WDPCP: variants seen among roughly 807,000 people sequenced by gnomAD.
WDPCP encodes the protein WD repeat-containing and planar cell polarity effector protein fritz homolog.
A neutral mutation model predicts 93.1 loss-of-function variants in WDPCP; 71 were observed. The ratio of observed to expected loss-of-function variants is 0.76; its 90% CI spans 0.63 to 0.93. The LOEUF (loss-of-function observed/expected upper bound fraction) is 0.93, where lower values mean the gene tolerates loss of function less well. Among genes scored for constraint, WDPCP ranks in the 40% least tolerant of loss-of-function variants. The pLI, the probability that WDPCP is intolerant of heterozygous loss-of-function variation, is 0.00. For missense variants in WDPCP, 844 were observed against 887.4 expected (o/e 0.95, Z 0.62); for synonymous variants, 315 against 315.0 (o/e 1.00, Z 0.00).
chr2:63,735,223 T>C (rs1363399200), intron 2 of WDPCP, among the ~76,000 whole-genome samples: 1 of 152,154 alleles, frequency 6.6e-6, no homozygotes, highest in African/African-American at 2.4e-5. Context: ...GATAAATTGT[T>C]ACAGGAGTTC....
chr2:63,181,447 G>T (rs1674232950), intron 14 of WDPCP, among the ~76,000 whole-genome samples: 1 of 152,046 alleles, frequency 6.6e-6, no homozygotes, highest in Non-Finnish European at 1.5e-5. Flanking sequence ...TATTGTAAAG[G>T]ATGTCCTTTC....
intron 2 of WDPCP, among the ~76,000 whole-genome samples, chr2:63,781,367 A>T (rs1488503053): frequency 6.6e-6 from 1 of 152,168 alleles, no homozygotes; most frequent in East Asian, 1.9e-4. Flanking sequence ...GTTGAATGGG[A>T]CACATATTTG....
At chr2:63,159,988 A>G (rs912150967) in intron 15 of WDPCP, among the ~76,000 whole-genome samples, 10 of 152,160 alleles carry the variant, frequency 6.6e-5, no homozygotes, top group Admixed American at 3.9e-4. Flanking sequence ...ATGTACCTCC[A>G]TGGTTGCACT....
chr2:63,574,369 T>A (rs1707765435), intron 1 of WDPCP, among the ~76,000 whole-genome samples: 1 of 152,166 alleles, frequency 6.6e-6, no homozygotes, highest in African/African-American at 2.4e-5. Context: ...ACGTGAAATA[T>A]CGGGGGTGAA....
At position 63,389,236 on chromosome 2, in the gene WDPCP, G is replaced by A. The variant is rs182264690; in HGVS notation, c.1436-7142C>T. On this transcript the variant is annotated intron_variant, in intron 10 of 17. Coordinates refer to ENST00000272321, the MANE Select transcript of WDPCP (RefSeq NM_015910.7). ...CATTACAAGCCAGAAGAGGGTGGGG[G>A]CAAATATTCAACATTCTTAAAGAAA... Among the ~76,000 whole-genome samples the A allele has an allele frequency of 1.1e-4, 16 of 152,242 alleles. No homozygotes were observed. In the East Asian group the frequency reaches 3.1e-3, roughly 29 times the overall value.
intron 1 of WDPCP, among the ~76,000 whole-genome samples, chr2:63,493,550 T>G (rs986838722): frequency 6.8e-6 from 1 of 146,070 alleles, no homozygotes; most frequent in African/African-American, 2.5e-5. Context: ...TTCTATGGGG[T>G]TTTTTTTTTT....
intron 3 of WDPCP, among the ~76,000 whole-genome samples, chr2:63,618,107 TGAAAGAGG>T (rs1709692731): frequency 6.6e-6 from 1 of 152,354 alleles, no homozygotes; most frequent in Non-Finnish European, 1.5e-5. Context: ...CAGATTTAAA[TGAAAGAGG>T]GGCTTATGTA....
chr2:63,626,842 G>A (rs262498), intron 3 of WDPCP, among the ~76,000 whole-genome samples: 33,247 of 151,980 alleles, frequency 0.22, 4,982 homozygotes, highest in East Asian at 0.71. Context: ...CAAGGATAGG[G>A]GAGGGATACC....
intron 2 of WDPCP, among the ~76,000 whole-genome samples, chr2:63,662,184 C>G (rs747319467): frequency 6.6e-6 from 1 of 152,086 alleles, no homozygotes; most frequent in African/African-American, 2.4e-5. Flanking sequence ...ATAAACAGCA[C>G]GTACTTTGGT....
chr2:63,381,844 C>T (rs1430862235), intron 11 of WDPCP, 62 bp downstream of exon 11: 9 of 1,563,230 alleles, frequency 5.8e-6, no homozygotes, highest in Non-Finnish European at 5.3e-6. Flanking sequence ...CAAAAAATAA[C>T]TCAATAAAAT....
At chr2:63,532,281 C>T (rs1417000014) in intron 1 of WDPCP, among the ~76,000 whole-genome samples, 2 of 152,200 alleles carry the variant, frequency 1.3e-5, no homozygotes, top group African/African-American at 2.4e-5. Flanking sequence ...AGCTGGAAAA[C>T]ACTCTTCAGG....
intron 14 of WDPCP, among the ~76,000 whole-genome samples, chr2:63,220,645 G>C (rs1677735358): frequency 6.6e-6 from 1 of 151,670 alleles, no homozygotes; most frequent in South Asian, 2.1e-4. Context: ...GGAAGTTAAA[G>C]TTACTATGCA....
intron 6 of WDPCP, among the ~76,000 whole-genome samples, chr2:63,472,681 T>C (rs1444212934): frequency 4.6e-5 from 7 of 152,082 alleles, no homozygotes; most frequent in Admixed American, 4.6e-4. Context: ...CTTCGCCTCC[T>C]CCCGAGTAGC....
At chr2:63,791,526 T>C (rs746635313) in intron 2 of WDPCP, among the ~76,000 whole-genome samples, 3 of 152,180 alleles carry the variant, frequency 2.0e-5, no homozygotes, top group Non-Finnish European at 4.4e-5. Flanking sequence ...ATGATAACCC[T>C]AAAGCCATGG....
chr2:63,342,708 C>A lies in WDPCP; in HGVS notation c.1749-29397G>T, dbSNP rs568829582. Among the ~76,000 whole-genome samples, 435 of 152,280 alleles carry A rather than the reference C, an allele frequency of 2.9e-3. 2 individuals carry two copies. The highest frequency in any genetic ancestry group is 1.0e-2 in the African/African-American group (415 of 41,564). ...TGTATATATATTGTATCCCCATTTA[C>A]ATAGGTTTTAATTATTGTTTCATGT... On this transcript the variant is annotated intron_variant, in intron 12 of 17. Coordinates refer to ENST00000272321, the MANE Select transcript of WDPCP (RefSeq NM_015910.7).
chr2:63,540,168 ATTATTT>A (rs1264927503), intron 1 of WDPCP, among the ~76,000 whole-genome samples: 2 of 152,208 alleles, frequency 1.3e-5, no homozygotes, highest in African/African-American at 4.8e-5. Flanking sequence ...TAATTTACTA[ATTATTT>A]TTATAAACAA....
At chr2:63,207,585 A>G (rs1391934422) in intron 14 of WDPCP, among the ~76,000 whole-genome samples, 2 of 152,136 alleles carry the variant, frequency 1.3e-5, no homozygotes, top group African/African-American at 4.8e-5. Context: ...ATATTTCTGT[A>G]TTGCGTTCTG....
At chr2:63,311,180 G>C (rs866796138) in intron 13 of WDPCP, among the ~76,000 whole-genome samples, 1 of 152,072 alleles carries the variant, frequency 6.6e-6, no homozygotes, top group South Asian at 2.1e-4. Flanking sequence ...ATCCCATTGT[G>C]ATTCATATGT....
intron 1 of WDPCP, among the ~76,000 whole-genome samples, chr2:63,534,020 A>G (rs1704067852): frequency 6.6e-6 from 1 of 152,078 alleles, no homozygotes; most frequent in South Asian, 2.1e-4. Context: ...AAAAAATGAT[A>G]AAAGGGATCT....
Sources: gnomAD v4.1 joint callset for allele counts (sites outside exome capture counted in the v4.1 genomes callset) on GRCh38, gnomAD v4.1.1 for gene constraint, MANE v1.5 for transcripts, NCBI Gene and HGNC (gene_info 2026-07-23, HGNC 2026-07-21) for gene names.